OPCML: variants seen among roughly 807,000 people sequenced by gnomAD.
OPCML encodes the protein opioid binding protein/cell adhesion molecule like.
A neutral mutation model predicts 37.8 loss-of-function variants in OPCML; 13 were observed. That is an observed-to-expected ratio of 0.34 (90% confidence interval 0.22 to 0.55). The LOEUF (loss-of-function observed/expected upper bound fraction) is 0.55, where lower values mean the gene tolerates loss of function less well. OPCML is among the 20% of genes least tolerant of loss of function. The pLI, the probability that OPCML is intolerant of heterozygous loss-of-function variation, is 0.91. For synonymous variants in OPCML, 176 were observed against 168.8 expected (o/e 1.04, Z -0.33); for missense variants, 341 against 435.6 (o/e 0.78, Z 1.93).
chr11:133,310,391 T>C (rs2136591079), intron 1 of OPCML, among the ~76,000 whole-genome samples: 1 of 152,246 alleles, frequency 6.6e-6, no homozygotes, highest in African/African-American at 2.4e-5. Flanking sequence ...TCATGATGCT[T>C]GAATCTCAGA....
chr11:132,992,538 G>A lies in OPCML; in HGVS notation c.62-49528C>T, dbSNP rs890665678. On this transcript the variant is annotated intron_variant, in intron 1 of 7. Coordinates refer to ENST00000524381, the MANE Select transcript of OPCML (RefSeq NM_001012393.5). Reference sequence around the variant, plus strand: ...GTGTTTTAAGCATCGAGGGTGCGACGGAACAAAAACAGAATTCCTTGCCAT... The same window carrying A: ...GTGTTTTAAGCATCGAGGGTGCGACAGAACAAAAACAGAATTCCTTGCCAT... 6.8e-4 allele frequency among the ~76,000 whole-genome samples: 103 copies of A among 151,894 alleles called. 2 individuals are homozygous for A. Among genetic ancestry groups the A allele is most frequent in the African/African-American group, 1.2e-4 (5 of 41,366 alleles).
intron 3 of OPCML, among the ~76,000 whole-genome samples, chr11:132,553,367 A>G (rs550385087): frequency 6.6e-6 from 1 of 152,342 alleles, no homozygotes; most frequent in South Asian, 2.1e-4. Flanking sequence ...CCCTGGAGAC[A>G]GCCATTTACT....
intron 4 of OPCML, among the ~76,000 whole-genome samples, chr11:132,457,549 T>C (rs1250747507): frequency 1.3e-5 from 2 of 152,144 alleles, no homozygotes; most frequent in Non-Finnish European, 2.9e-5. Flanking sequence ...GGTAAAGAGA[T>C]AACCAAACAA....
chr11:132,490,642 C>A (rs987667096), intron 4 of OPCML, among the ~76,000 whole-genome samples: 1 of 151,896 alleles, frequency 6.6e-6, no homozygotes, highest in Non-Finnish European at 1.5e-5. Flanking sequence ...CACAGTGAAA[C>A]CCCGTCTCTA....
intron 4 of OPCML, among the ~76,000 whole-genome samples, chr11:132,464,925 C>T (rs1250614544): frequency 1.3e-5 from 2 of 152,134 alleles, no homozygotes; most frequent in African/African-American, 4.8e-5. Context: ...GCAATTAATG[C>T]TACATCTTAA....
chr11:132,441,425 C>T (rs550724290), intron 4 of OPCML, among the ~76,000 whole-genome samples: 11 of 152,124 alleles, frequency 7.2e-5, no homozygotes, highest in Middle Eastern at 3.4e-3. Flanking sequence ...GCCTCGGCCT[C>T]CCAAAGTGCT....
intron 1 of OPCML, among the ~76,000 whole-genome samples, chr11:133,424,564 C>T (rs1257690263): frequency 6.6e-6 from 1 of 152,134 alleles, no homozygotes; most frequent in Non-Finnish European, 1.5e-5. Context: ...GTCCTAGTTA[C>T]ACACAGTGTC....
At chr11:133,209,891 TC>T (rs1330985806) in intron 1 of OPCML, among the ~76,000 whole-genome samples, 1 of 152,204 alleles carries the variant, frequency 6.6e-6, no homozygotes, top group Admixed American at 6.5e-5. Flanking sequence ...ATAAATAACT[TC>T]CATAATGAAC....
At chr11:132,673,634 T>G (rs1372789218) in intron 2 of OPCML, among the ~76,000 whole-genome samples, 1 of 151,988 alleles carries the variant, frequency 6.6e-6, no homozygotes, top group African/African-American at 2.4e-5. Context: ...TCCTCAGAGT[T>G]TGAGGAGAAA....
At chr11:132,466,527 T>C (rs554426206) in intron 4 of OPCML, among the ~76,000 whole-genome samples, 2 of 150,880 alleles carry the variant, frequency 1.3e-5, no homozygotes, top group South Asian at 4.2e-4. Context: ...TCAATGTTTG[T>C]TGGAACGAAA....
At chr11:132,653,368 C>T (rs890558223) in intron 3 of OPCML, among the ~76,000 whole-genome samples, 1 of 152,190 alleles carries the variant, frequency 6.6e-6, no homozygotes, top group Non-Finnish European at 1.5e-5. Context: ...GGATGGGAGT[C>T]ACTCCTGCCT....
At chr11:133,050,505 T>C (rs1948109858) in intron 1 of OPCML, among the ~76,000 whole-genome samples, 1 of 152,104 alleles carries the variant, frequency 6.6e-6, no homozygotes, top group African/African-American at 2.4e-5. Context: ...GGGGGAGTGG[T>C]CTGATGAAAT....
At chr11:132,751,229 C>A (rs1353525055) in intron 2 of OPCML, among the ~76,000 whole-genome samples, 9 of 152,136 alleles carry the variant, frequency 5.9e-5, no homozygotes, top group Admixed American at 5.9e-4. Flanking sequence ...TTTGTGGCCT[C>A]TGGCTGTATT....
At position 133,211,846 on chromosome 11, in the gene OPCML, T is replaced by A. The variant is rs985875461; in HGVS notation, c.62-268836A>T. Among the ~76,000 whole-genome samples, 4 of 152,214 alleles carry A rather than the reference T, an allele frequency of 2.6e-5. No homozygotes were observed. The highest frequency in any genetic ancestry group is 2.0e-4 in the Admixed American group (3 of 15,286). The stretch of plus-strand genomic sequence containing the variant: ...TTAAACCTTCAAGAGTATAAGCATT[T>A]GACTCAAACTCTTCAAGATAGGGAG... On this transcript the variant is annotated intron_variant, in intron 1 of 7. Coordinates refer to ENST00000524381, the MANE Select transcript of OPCML (RefSeq NM_001012393.5). The surrounding 1 kb of genome is among the most constrained non-coding windows in gnomAD (Gnocchi z 4.1).
intron 4 of OPCML, among the ~76,000 whole-genome samples, chr11:132,492,500 T>G (rs570104204): frequency 6.6e-6 from 1 of 152,018 alleles, no homozygotes; most frequent in Non-Finnish European, 1.5e-5. Context: ...GAATGGAGTG[T>G]TGTTGTTGTC....
At chr11:133,056,695 C>A (rs993732442) in intron 1 of OPCML, among the ~76,000 whole-genome samples, 7 of 152,242 alleles carry the variant, frequency 4.6e-5, no homozygotes, top group African/African-American at 1.7e-4. Context: ...AGCCCTCAAG[C>A]ATGTGCAGTA....
intron 2 of OPCML, among the ~76,000 whole-genome samples, chr11:132,733,325 A>G (rs1228276237): frequency 6.6e-6 from 1 of 152,110 alleles, no homozygotes; most frequent in African/African-American, 2.4e-5. Context: ...TCATATAGCA[A>G]TGACCCATAG....
chr11:133,237,646 A>C (rs1257018217), intron 1 of OPCML, among the ~76,000 whole-genome samples: 3 of 152,194 alleles, frequency 2.0e-5, no homozygotes, highest in Non-Finnish European at 4.4e-5. Flanking sequence ...GAGGTAATTG[A>C]AGGGATGAGG....
chr11:133,341,664 A>G (rs1361159818), intron 1 of OPCML, among the ~76,000 whole-genome samples: 2 of 152,150 alleles, frequency 1.3e-5, no homozygotes, highest in African/African-American at 4.8e-5. Context: ...CACGCCTGTA[A>G]TCCCAGCACT....
Sources: gnomAD v4.1 joint callset for allele counts (sites outside exome capture counted in the v4.1 genomes callset) on GRCh38, gnomAD v4.1.1 for gene constraint, Gnocchi (gnomAD v3.1) non-coding constraint, MANE v1.5 for transcripts, NCBI Gene and HGNC (gene_info 2026-07-23, HGNC 2026-07-21) for gene names.